The following DNAH2 variants were observed in gnomAD, a reference collection of about 807,000 sequenced individuals.
The protein encoded by DNAH2 is axonemal beta dynein heavy chain 2.
Under a neutral mutation model 523.5 loss-of-function variants are expected in DNAH2, and 323 were observed. That is an observed-to-expected ratio of 0.62 (90% CI 0.56 to 0.68). The LOEUF (loss-of-function observed/expected upper bound fraction) is 0.68. Among genes scored for constraint, DNAH2 ranks in the 30% least tolerant of loss-of-function variants. The probability of loss-of-function intolerance (pLI) is 0.00; values close to 1 mark genes in which losing one functional copy is unlikely to be tolerated. For synonymous variants in DNAH2, 2,093 were observed against 2,177.4 expected (o/e 0.96, Z 1.08); for missense variants, 4,907 against 5,701.5 (o/e 0.86, Z 4.49).
At chr17:7,766,279 G>A (rs759363491) in intron 21 of DNAH2, 39 bp from the exon 22 acceptor site, 18 of 1,599,072 alleles carry the variant, frequency 1.1e-5, no homozygotes, top group East Asian at 2.2e-5. Flanking sequence ...CTTGCCAGAC[G>A]TGAGCGGGAA....
rs542108244 is a variant in DNAH2 at position 7,817,883 on chromosome 17, C to G, written c.10236+27C>G. The G allele has an allele frequency of 2.5e-4, 400 of 1,573,972 alleles. 2 individuals carry two copies. In the South Asian group the frequency reaches 4.1e-3, roughly 16 times the overall value. On this transcript the variant is annotated intron_variant, in intron 67 of 85. Transcript: ENST00000572933. ...TGTGAGGCTGGGGGGTCAGGTTAGC[C>G]CCCCCCTTCCTGAGGCCCCACCTCT...
Position 7,817,880 on chromosome 17 carries a change from AG to A in DNAH2, c.10236+25del, listed in dbSNP as rs757260514. ...AGGTGTGAGGCTGGGGGGTCAGGTT[AG>A]CCCCCCCCTTCCTGAGGCCCCACCT... On this transcript the variant is annotated intron_variant, in intron 67 of 85. Coordinates refer to ENST00000572933, the MANE Select transcript of DNAH2 (RefSeq NM_020877.5). 10 of 1,609,230 alleles carry A rather than the reference AG, an allele frequency of 6.2e-6. No individual in the cohort carries two copies. In the South Asian group the frequency reaches 7.7e-5, roughly 12 times the overall value.
chr17:7,770,601 C>T lies in DNAH2; in HGVS notation c.4143C>T (p.Asp1381=), dbSNP rs1330087502. The T allele has an allele frequency of 1.2e-6, 2 of 1,614,064 alleles. No homozygotes were observed. The highest frequency in any genetic ancestry group is 1.7e-6 in the Non-Finnish European group (2 of 1,180,046). ...AGACCTGGGATGTGACTCAGCTCGA[C>T]ATAGTACCCTACAAGGATAAGGGCC... ...IAKTWDVTQL[D]IVPYKDKGHH... Residue 1381 remains aspartate (D), a synonymous_variant, in exon 26 of 86, where the codon GAC becomes GAT. Coordinates refer to ENST00000572933, the MANE Select transcript of DNAH2 (RefSeq NM_020877.5).
Position 7,821,449 on chromosome 17 carries a change from C to A in DNAH2, c.11142+80C>A. On this transcript the variant is annotated intron_variant, in intron 73 of 85. Transcript: ENST00000572933. This position sits in a 1 kb window ranked among gnomAD's most constrained non-coding sequence, Gnocchi z 5.0. The stretch of plus-strand genomic sequence containing the variant: ...GGCAAGTGTGACAAGGACTCCAGAC[C>A]CAGAGGGTCAGGCCCACAGCATCAG... 6.6e-7 allele frequency: 1 copy of A among 1,506,746 alleles called. No homozygotes were observed. The highest frequency in any genetic ancestry group is 8.9e-7 in the Non-Finnish European group (1 of 1,119,886). The allele number at this position is 1,506,746 out of a possible 1,614,324, so 93.3% of individuals were successfully genotyped here.
At position 7,832,989 on chromosome 17, in the gene DNAH2, A is replaced by G; in HGVS notation, c.12978+61A>G. On this transcript the variant is annotated intron_variant, in intron 84 of 85. Coordinates refer to ENST00000572933, the MANE Select transcript of DNAH2 (RefSeq NM_020877.5). The surrounding 1 kb of genome is among the most constrained non-coding windows in gnomAD (Gnocchi z 4.3). ...GAGGGTACTGGAAATAATTGGACGA[A>G]AAGGGAGGAGAGAGGGAGCAGGTCA... 6.2e-7 allele frequency: 1 copy of G among 1,613,778 alleles called. No homozygotes were observed. The highest frequency in any genetic ancestry group is 1.3e-5 in the African/African-American group (1 of 75,030).
chr17:7,785,596 G>A (rs950436540), intron 39 of DNAH2, among the ~76,000 whole-genome samples: 1 of 152,188 alleles, frequency 6.6e-6, no homozygotes, highest in Non-Finnish European at 1.5e-5. Context: ...TGAGCTGTGT[G>A]TTTAAAAATG....
At chr17:7,815,655 A>G (rs1399085402) in intron 63 of DNAH2, among the ~76,000 whole-genome samples, 2 of 151,306 alleles carry the variant, frequency 1.3e-5, no homozygotes. Context: ...CGTATACGGG[A>G]TCACACACAT....
Position 7,737,258 on chromosome 17 carries a change from G to C in DNAH2, c.1170G>C (p.Lys390Asn). Residue 390 changes from lysine (K) to asparagine (N), a missense_variant and splice_region_variant, in exon 8 of 86, where the codon AAG (lysine) becomes AAC (asparagine). This residue lies in a region of DNAH2 where 2,806 missense variants were observed against 3,190.8 expected (regional missense o/e 0.88). Transcript: ENST00000572933. Reference protein sequence around the residue: ...TRERLTSLFRKVCDCQYHFAR... With the variant: ...TRERLTSLFRNVCDCQYHFAR... ...AGAGACTGACCTCGCTCTTCCGAAA[G>C]GTGTGCATATGCTGAGGGTGGGATG... The C allele has an allele frequency of 6.2e-7, 1 of 1,613,782 alleles. No homozygotes were observed. The highest frequency in any genetic ancestry group is 2.2e-5 in the East Asian group (1 of 44,874).
rs767393535 is a variant in DNAH2, at chr17:7,832,726, G to A, written c.12874G>A (p.Val4292Met). 3 of 1,614,076 alleles carry A rather than the reference G, an allele frequency of 1.9e-6. No individual in the cohort carries two copies. The highest frequency in any genetic ancestry group is 1.1e-5 in the South Asian group (1 of 91,082). Reference protein sequence around the residue: ...FTFPTGFLTAVLQSSARQNNV... With the variant: ...FTFPTGFLTAMLQSSARQNNV... ...CTTTCCCACTGGCTTCCTCACTGCT[G>A]TGCTGCAGTCTTCAGCTCGCCAAAA... Residue 4292 changes from valine (V) to methionine (M), a missense_variant, in exon 83 of 86, where the codon GTG becomes ATG. Physicochemically the swap from Val to Met is conservative, Grantham distance 21. Around this residue, in one of 3 missense-constraint regions of DNAH2, gnomAD observed 1,851 missense variants for 2,139.4 expected, o/e 0.87. Coordinates refer to ENST00000572933, the MANE Select transcript of DNAH2 (RefSeq NM_020877.5). This position sits in a 1 kb window ranked among gnomAD's most constrained non-coding sequence, Gnocchi z 4.3.
chr17:7,799,118 A>G lies in DNAH2; in HGVS notation c.8575A>G (p.Ile2859Val), dbSNP rs1458812983. The change falls in exon 56 of 86, where the codon ATA becomes GTA. Residue 2859 changes from isoleucine (I) to valine (V), a missense_variant. This residue lies in a region of DNAH2 where 1,851 missense variants were observed against 2,139.4 expected (regional missense o/e 0.87). Coordinates refer to ENST00000572933, the MANE Select transcript of DNAH2 (RefSeq NM_020877.5). ...DEFEEIQSHI[I>V]DQARVEQVPE... is the part of the protein sequence containing the mutation. ...TTCTGTCCAGATCCAGTCGCATATC[A>G]TAGACCAGGCCCGGGTGGAGCAGGT... is the stretch of plus-strand genomic sequence containing the variant. The G allele has an allele frequency of 1.2e-6, 2 of 1,614,178 alleles. No homozygotes were observed. Among genetic ancestry groups the G allele is most frequent in the Non-Finnish European group, 8.5e-7 (1 of 1,180,038 alleles).
rs149535526 is a variant in DNAH2, at chr17:7,726,899, G to T, written c.229-223G>T. Among the ~76,000 whole-genome samples the T allele has an allele frequency of 1.3e-3, 195 of 152,186 alleles. 4 individuals carry two copies. Among genetic ancestry groups the T allele is most frequent in the African/African-American group, 1.2e-3 (50 of 41,496 alleles). On this transcript the variant is annotated intron_variant, in intron 3 of 85. Coordinates refer to ENST00000572933, the MANE Select transcript of DNAH2 (RefSeq NM_020877.5). ...GGATAATATCCCAGTTTTCCTCTGT[G>T]ATCTGTTTGTTTGTTTGTTTGTTTG...
intron 4 of DNAH2, among the ~76,000 whole-genome samples, chr17:7,729,112 C>CA (rs1180739686): frequency 5.3e-5 from 8 of 151,564 alleles, no homozygotes; most frequent in East Asian, 1.9e-4. Context: ...CCAAACCAAC[C>CA]AAAAAAACAC....
At chr17:7,818,155 TCTGA>T (rs762868464) in intron 68 of DNAH2, 59 bp downstream of exon 68, 89 of 1,605,288 alleles carry the variant, frequency 5.5e-5, no homozygotes, top group Non-Finnish European at 6.7e-5. Context: ...GGGCTGGCTC[TCTGA>T]CTGTGTCCTC....
chr17:7,786,904 A>G lies in DNAH2; in HGVS notation c.6474A>G (p.Lys2158=). ...CACCCACCATCTACTCAGATGAGAA[A>G]CCCGACGAGAAGTGGATCCTGTTCG... The part of the protein sequence containing the change: ...SVMRTACADE[K]PDEKWILFDG... Residue 2158 remains lysine, a synonymous_variant, in exon 42 of 86, where the codon AAA becomes AAG. Transcript: ENST00000572933. The surrounding 1 kb of genome is among the most constrained non-coding windows in gnomAD (Gnocchi z 7.5). 4 of 1,614,130 alleles carry G rather than the reference A, an allele frequency of 2.5e-6. No individual in the cohort carries two copies. The highest frequency in any genetic ancestry group is 3.4e-6 in the Non-Finnish European group (4 of 1,180,014).
At position 7,797,390 on chromosome 17, in the gene DNAH2, C is replaced by T. The variant is rs758028895; in HGVS notation, c.7950-10C>T. ...TATTCCCCGATCTCACCCCAGTTCC[C>T]TGCCCACAGAGTCTTCTCTGACCGG... On this transcript the variant is annotated splice_polypyrimidine_tract_variant and intron_variant, in intron 51 of 85. Coordinates refer to ENST00000572933, the MANE Select transcript of DNAH2 (RefSeq NM_020877.5). 3 of 1,614,146 alleles carry T rather than the reference C, an allele frequency of 1.9e-6. No homozygotes were observed. Among genetic ancestry groups the T allele is most frequent in the Non-Finnish European group, 2.5e-6 (3 of 1,180,042 alleles).
At chr17:7,767,323 G>A (rs1179057116) in intron 22 of DNAH2, among the ~76,000 whole-genome samples, 1 of 152,084 alleles carries the variant, frequency 6.6e-6, no homozygotes, top group African/African-American at 2.4e-5. Flanking sequence ...ACCACATTTT[G>A]TTTACCATTC....
In DNAH2 at chr17:7,794,326, C is replaced by T. The variant is rs201828290; in HGVS notation, c.7642C>T (p.Arg2548Cys). 91 of 1,610,008 alleles carry T rather than the reference C, an allele frequency of 5.7e-5. 2 individuals carry two copies. The East Asian group carries it at 1.7e-3, about 30-fold the overall frequency. Residue 2548 changes from arginine (R) to cysteine (C), a missense_variant, in exon 49 of 86, where the codon CGC becomes TGC. Physicochemically the swap from Arg to Cys is radical, Grantham distance 180. Around this residue, in one of 3 missense-constraint regions of DNAH2, gnomAD observed 250 missense variants for 371.3 expected, o/e 0.67. Transcript: ENST00000572933. ...RTVISPRLRS[R>C]FNIINMTFPT... is the part of the protein sequence containing the mutation. The stretch of plus-strand genomic sequence containing the variant: ...TGTCATCTCCCCAAGGCTACGGAGT[C>T]GCTTCAACATTATCAACATGACCTT...
At chr17:7,749,612 A>G (rs192007631) in intron 12 of DNAH2, among the ~76,000 whole-genome samples, 1 of 152,212 alleles carries the variant, frequency 6.6e-6, no homozygotes, top group Admixed American at 6.5e-5. Context: ...TTATGACTCT[A>G]TTAGGATTGT....
At chr17:7,750,806 C>A (rs1351839399) in intron 12 of DNAH2, among the ~76,000 whole-genome samples, 1 of 152,114 alleles carries the variant, frequency 6.6e-6, no homozygotes, top group East Asian at 1.9e-4. Context: ...TCTCTTAAAG[C>A]CTGTATCACA....
Sources: allele counts gnomAD v4.1 joint callset (sites outside exome capture counted in the v4.1 genomes callset), GRCh38; gene constraint gnomAD v4.1.1; regional missense constraint gnomAD v4.1.1; non-coding constraint Gnocchi (gnomAD v3.1); transcripts MANE v1.5; gene names NCBI Gene and HGNC (gene_info 2026-07-23, HGNC 2026-07-21).